DMD: variants seen among roughly 807,000 people sequenced by gnomAD.
The protein encoded by DMD is dystrophin.
A neutral mutation model predicts 330.1 loss-of-function variants in DMD; 63 were observed. The ratio of observed to expected loss-of-function variants is 0.19; its 90% CI spans 0.16 to 0.24. DMD has a LOEUF of 0.24. DMD is among the 10% of genes least tolerant of loss of function. The pLI, the probability that DMD is intolerant of heterozygous loss-of-function variation, is 1.00. For synonymous variants in DMD, 1,223 were observed against 959.8 expected (o/e 1.27, Z -5.07); for missense variants, 3,344 against 2,684.1 (o/e 1.25, Z -5.43).
At chrX:32,725,719 G>A (rs1201539462) in intron 7 of DMD, among the ~76,000 whole-genome samples, 1 of 110,794 alleles carries the variant, frequency 9.0e-6, no homozygotes, top group African/African-American at 3.3e-5. Context: ...GGTAAGCTGG[G>A]GTTGGTTAAT....
At chrX:31,813,082 T>C (rs1294526309) in intron 50 of DMD, among the ~76,000 whole-genome samples, 1 of 111,727 alleles carries the variant, frequency 9.0e-6, no homozygotes, top group Non-Finnish European at 1.9e-5. Flanking sequence ...TATATGAGAA[T>C]ACTGAAGAGG....
At chrX:31,626,329 C>T (rs923005664) in intron 55 of DMD, among the ~76,000 whole-genome samples, 22 of 111,577 alleles carry the variant, frequency 2.0e-4, no homozygotes, top group South Asian at 3.8e-4. Context: ...GCTTTATCAG[C>T]ATTTATAATA....
chrX:31,749,138 TTTATTATTA>T (rs60724705), intron 51 of DMD, among the ~76,000 whole-genome samples: 1 of 107,646 alleles, frequency 9.3e-6, no homozygotes, highest in African/African-American at 3.4e-5. Flanking sequence ...ATTTTGAGAT[TTTATTATTA>T]TTATTATTAT....
chrX:32,714,795 G>A (rs748582753), intron 7 of DMD, among the ~76,000 whole-genome samples: 1 of 111,727 alleles, frequency 9.0e-6, no homozygotes, highest in South Asian at 3.7e-4. Context: ...AAACTACATA[G>A]ATTTTGGAAC....
chrX:31,509,422 G>T (rs929325082), intron 55 of DMD, among the ~76,000 whole-genome samples: 1 of 111,602 alleles, frequency 9.0e-6, no homozygotes, highest in Non-Finnish European at 1.9e-5. Context: ...TGTTGTACTT[G>T]ATTTGTACAG....
In DMD at chrX:31,357,431, G is replaced by A. The variant is rs1400144615; in HGVS notation, c.9085-8797C>T. On this transcript the variant is annotated intron_variant, in intron 60 of 78. Coordinates refer to ENST00000357033, the MANE Select transcript of DMD (RefSeq NM_004006.3). ...AGGAAATTCATATTAACGAATGACT[G>A]AAACAGGTAGATAAATGCAAAAAGA... is the stretch of plus-strand genomic sequence containing the variant. Among the ~76,000 whole-genome samples the A allele has an allele frequency of 5.5e-5, 6 of 109,653 alleles. No homozygotes were observed. The East Asian group carries it at 8.5e-4, about 16-fold the overall frequency.
chrX:32,463,504 ACT>A lies in DMD; in HGVS notation c.3365_3366del (p.Glu1122ValfsTer6), dbSNP rs1057518284. On this transcript the variant is annotated frameshift_variant, in exon 25 of 79. Coordinates refer to ENST00000357033, the MANE Select transcript of DMD (RefSeq NM_004006.3). LOFTEE classifies it high-confidence loss of function. The part of the protein sequence containing the change: ...GQKIKNEAEP[E>X]FASRLETELK... ...AGTTCTGTCTCAAGTCTCGAAGCAAACTCTGGCTCTGCTTCATTCTTTATCTT... is the reference window on the plus strand; with the variant it reads ...AGTTCTGTCTCAAGTCTCGAAGCAAACTGGCTCTGCTTCATTCTTTATCTT... 8.3e-7 allele frequency: 1 copy of A among 1,206,150 alleles called. No individual in the cohort carries two copies. The highest frequency in any genetic ancestry group is 1.1e-6 in the Non-Finnish European group (1 of 892,397).
At chrX:31,310,206 CATAT>C (rs3032561) in intron 62 of DMD, among the ~76,000 whole-genome samples, 26 of 36,159 alleles carry the variant, frequency 7.2e-4, no homozygotes, top group Middle Eastern at 0.011. Flanking sequence ...TCTCTCTCTC[CATAT>C]ATATATATAT....
At chrX:32,746,408 A>G (rs1170300679) in intron 7 of DMD, among the ~76,000 whole-genome samples, 1 of 111,973 alleles carries the variant, frequency 8.9e-6, no homozygotes, top group East Asian at 2.8e-4. Context: ...TGAGTTAAGA[A>G]GCAGTGGTCT....
intron 16 of DMD, among the ~76,000 whole-genome samples, chrX:32,558,950 T>C (rs868098435): frequency 8.7e-5 from 7 of 80,614 alleles, no homozygotes; most frequent in Admixed American, 8.2e-4. Flanking sequence ...TTTTTTTTTT[T>C]TTTTTTTTTT....
intron 7 of DMD, among the ~76,000 whole-genome samples, chrX:32,744,371 G>A (rs1429315246): frequency 1.8e-5 from 2 of 109,878 alleles, no homozygotes; most frequent in African/African-American, 6.6e-5. Flanking sequence ...CAACCTTTTT[G>A]GTCTTCCTAG....
intron 7 of DMD, among the ~76,000 whole-genome samples, chrX:32,783,279 A>T (rs1347619358): frequency 4.2e-5 from 4 of 94,807 alleles, no homozygotes; most frequent in Non-Finnish European, 8.9e-5. Context: ...TGGTATATAT[A>T]CACCATATAT....
At chrX:32,228,242 C>A (rs368772828) in intron 43 of DMD, among the ~76,000 whole-genome samples, 14 of 111,282 alleles carry the variant, frequency 1.3e-4, no homozygotes, top group African/African-American at 4.2e-4. Flanking sequence ...GTCTAGAACT[C>A]CGCAAATTTT....
At chrX:31,877,504 A>T (rs925296709) in intron 47 of DMD, among the ~76,000 whole-genome samples, 1 of 112,180 alleles carries the variant, frequency 8.9e-6, no homozygotes, top group South Asian at 3.7e-4. Flanking sequence ...CTTGCCTCTC[A>T]TTCCTGGCAG....
chrX:31,309,592 C>T (rs1026464118), intron 62 of DMD, among the ~76,000 whole-genome samples: 6 of 111,674 alleles, frequency 5.4e-5, no homozygotes, highest in African/African-American at 2.0e-4. Flanking sequence ...ATCAGACTCA[C>T]ACAAATCTCA....
chrX:31,216,762 G>A lies in DMD; in HGVS notation c.9361+6285C>T, dbSNP rs372934816. 1.5e-4 allele frequency among the ~76,000 whole-genome samples: 17 copies of A among 111,322 alleles called. No individual in the cohort carries two copies. In the East Asian group the frequency reaches 3.7e-3, roughly 24 times the overall value. ...AAGCCTATCTAATGTCACCCTTAGC[G>A]CACCATCAAAAGGTGAGGTGCATTT... On this transcript the variant is annotated intron_variant, in intron 64 of 78. Coordinates refer to ENST00000357033, the MANE Select transcript of DMD (RefSeq NM_004006.3).
At chrX:32,589,801 G>C (rs2054694551) in intron 13 of DMD, among the ~76,000 whole-genome samples, 3 of 111,338 alleles carry the variant, frequency 2.7e-5, no homozygotes, top group African/African-American at 9.8e-5. Context: ...GTTAATATGG[G>C]AGCAGAAATA....
intron 55 of DMD, among the ~76,000 whole-genome samples, chrX:31,609,354 G>A (rs1015520944): frequency 9.8e-5 from 11 of 111,705 alleles, no homozygotes; most frequent in African/African-American, 3.3e-4. Context: ...CCCCTAAGGA[G>A]TTTGGGAAAA....
chrX:32,899,974 A>AT (rs1183782016), intron 2 of DMD, among the ~76,000 whole-genome samples: 3 of 111,145 alleles, frequency 2.7e-5, no homozygotes, highest in East Asian at 3.0e-4. Context: ...GGTTTTGTTG[A>AT]TAAAAAAAAG....
Sources: gnomAD v4.1 joint callset for allele counts (sites outside exome capture counted in the v4.1 genomes callset) on GRCh38, gnomAD v4.1.1 for gene constraint, MANE v1.5 for transcripts, NCBI Gene and HGNC (gene_info 2026-07-23, HGNC 2026-07-21) for gene names.